The following FBXL17 variants were observed in gnomAD, a reference collection of about 807,000 sequenced individuals.
FBXL17 encodes the protein F-box and leucine rich repeat protein 17.
In FBXL17, 22 loss-of-function variants were observed where a neutral mutation model predicts 66.2. The observed-to-expected ratio is 0.33, with a 90% CI of 0.24 to 0.47. FBXL17 has a LOEUF of 0.47. Among genes scored for constraint, FBXL17 ranks in the 20% least tolerant of loss-of-function variants. FBXL17 has a pLI of 1.00. For synonymous variants in FBXL17, 474 were observed against 400.5 expected (o/e 1.18, Z -2.19); for missense variants, 878 against 948.2 (o/e 0.93, Z 0.97).
chr5:108,314,641 A>G (rs534109070), intron 4 of FBXL17, among the ~76,000 whole-genome samples: 95 of 151,614 alleles, frequency 6.3e-4, no homozygotes, highest in African/African-American at 2.2e-3. Context: ...GGCCAAAAAA[A>G]TAAGAACAAC....
At chr5:108,202,699 C>G (rs1431599090) in intron 5 of FBXL17, among the ~76,000 whole-genome samples, 2 of 152,092 alleles carry the variant, frequency 1.3e-5, no homozygotes, top group African/African-American at 4.8e-5. Flanking sequence ...TGGGACAGTG[C>G]AAGATTTCAA....
chr5:108,227,360 A>AT (rs1755145016), intron 4 of FBXL17, among the ~76,000 whole-genome samples: 1 of 152,158 alleles, frequency 6.6e-6, no homozygotes, highest in Non-Finnish European at 1.5e-5. Context: ...AAAAATTTCC[A>AT]TTTACAAAAT....
At chr5:107,902,712 T>C (rs911762066) in intron 7 of FBXL17, among the ~76,000 whole-genome samples, 1 of 152,190 alleles carries the variant, frequency 6.6e-6, no homozygotes, top group African/African-American at 2.4e-5. Flanking sequence ...TTTCTTCCCA[T>C]CTGCCTTTAT....
intron 6 of FBXL17, among the ~76,000 whole-genome samples, chr5:108,138,464 C>T (rs1400213375): frequency 6.6e-6 from 1 of 151,430 alleles, no homozygotes; most frequent in African/African-American, 2.4e-5. Context: ...CTTTCCTATT[C>T]CAATGCCTAG....
chr5:107,887,011 G>A (rs545548938), intron 7 of FBXL17, among the ~76,000 whole-genome samples: 1 of 151,604 alleles, frequency 6.6e-6, no homozygotes, highest in Admixed American at 6.6e-5. Flanking sequence ...TTAGATACTA[G>A]AACAGACAAA....
intron 7 of FBXL17, among the ~76,000 whole-genome samples, chr5:107,963,073 T>C (rs778162051): frequency 6.6e-6 from 1 of 152,172 alleles, no homozygotes; most frequent in Admixed American, 6.6e-5. Flanking sequence ...TCTCATACTA[T>C]CAAAGATCAA....
chr5:108,346,175 TAGG>T (rs530302165), intron 4 of FBXL17, among the ~76,000 whole-genome samples: 22 of 152,228 alleles, frequency 1.4e-4, no homozygotes, highest in Admixed American at 6.5e-4. Context: ...AAACTTCCTA[TAGG>T]AGGTTAGTTA....
chr5:107,885,290 G>C (rs1042714397), intron 7 of FBXL17, among the ~76,000 whole-genome samples: 1 of 152,178 alleles, frequency 6.6e-6, no homozygotes, highest in Non-Finnish European at 1.5e-5. Flanking sequence ...GTGTGTTGAT[G>C]AAGGGTATAC....
intron 7 of FBXL17, among the ~76,000 whole-genome samples, chr5:107,922,275 G>A (rs964921905): frequency 1.3e-5 from 2 of 152,102 alleles, no homozygotes; most frequent in African/African-American, 2.4e-5. Context: ...ATGTCCTAGG[G>A]CACAGAAGGA....
chr5:107,877,203 C>T (rs910092795), intron 8 of FBXL17, among the ~76,000 whole-genome samples: 7 of 152,214 alleles, frequency 4.6e-5, no homozygotes, highest in African/African-American at 1.7e-4. Flanking sequence ...CACTTCCTGA[C>T]TTTACAACTG....
chr5:107,868,163 C>G (rs779496166), intron 8 of FBXL17, among the ~76,000 whole-genome samples: 1 of 152,192 alleles, frequency 6.6e-6, no homozygotes, highest in Admixed American at 6.5e-5. Flanking sequence ...AATTTGAATT[C>G]AGGACCCCAG....
chr5:108,355,634 G>A (rs923938143), intron 3 of FBXL17, among the ~76,000 whole-genome samples: 11 of 152,086 alleles, frequency 7.2e-5, no homozygotes, highest in African/African-American at 2.2e-4. Flanking sequence ...TACCTGTGAT[G>A]CAGTACAAAG....
chr5:107,968,209 T>A (rs976739896), intron 7 of FBXL17, among the ~76,000 whole-genome samples: 1 of 152,144 alleles, frequency 6.6e-6, no homozygotes, highest in Admixed American at 6.6e-5. Context: ...GATGAAGAGC[T>A]CTTTTTTTCA....
At chr5:108,261,960 A>G (rs1756839079) in intron 4 of FBXL17, among the ~76,000 whole-genome samples, 1 of 152,002 alleles carries the variant, frequency 6.6e-6, no homozygotes, top group African/African-American at 2.4e-5. Flanking sequence ...CTTTCTCAAG[A>G]TTCACCAAAC....
intron 4 of FBXL17, among the ~76,000 whole-genome samples, chr5:108,277,590 C>A (rs909405580): frequency 6.6e-6 from 1 of 152,126 alleles, no homozygotes; most frequent in African/African-American, 2.4e-5. Context: ...AAAAGCCAAA[C>A]ACTAATTTAT....
chr5:108,238,673 G>A (rs573766322), intron 4 of FBXL17, among the ~76,000 whole-genome samples: 2 of 152,104 alleles, frequency 1.3e-5, no homozygotes, highest in East Asian at 3.9e-4. Context: ...ACCTTGCCAG[G>A]CTAATATTCT....
intron 6 of FBXL17, among the ~76,000 whole-genome samples, chr5:108,067,508 T>A (rs528033188): frequency 2.0e-5 from 3 of 152,310 alleles, no homozygotes; most frequent in South Asian, 4.1e-4. Flanking sequence ...TCAGTTTCTA[T>A]AATCTATGAG....
chr5:107,898,254 GAA>G (rs1416426487), intron 7 of FBXL17, among the ~76,000 whole-genome samples: 5 of 152,006 alleles, frequency 3.3e-5, no homozygotes, highest in African/African-American at 4.8e-5. Context: ...CACTTTTAGT[GAA>G]AAAGGAAAAC....
chr5:107,866,844 G>A (rs115815177), intron 8 of FBXL17, among the ~76,000 whole-genome samples: 186 of 152,222 alleles, frequency 1.2e-3, no homozygotes, highest in African/African-American at 4.1e-3. Context: ...TGACAACAAG[G>A]AGAATTTCAG....
Sources: gnomAD v4.1 joint callset for allele counts (sites outside exome capture counted in the v4.1 genomes callset) on GRCh38, gnomAD v4.1.1 for gene constraint, MANE v1.5 for transcripts, NCBI Gene and HGNC (gene_info 2026-07-23, HGNC 2026-07-21) for gene names.